The following ARB2A variants were observed in gnomAD, a reference collection of about 807,000 sequenced individuals.
The protein encoded by ARB2A is ARB2 cotranscriptional regulator A.
the ARB2A span, among the ~76,000 whole-genome samples, chr5:94,066,967 C>A: frequency 2.6e-5 from 4 of 152,132 alleles, no homozygotes; most frequent in Non-Finnish European, 5.9e-5. Context: ...CCAGATTCAA[C>A]AGCACATCAA....
At chr5:94,032,399 C>T in the ARB2A span, among the ~76,000 whole-genome samples, 2 of 152,050 alleles carry the variant, frequency 1.3e-5, no homozygotes, top group African/African-American at 4.8e-5. Context: ...GTGCCAAACA[C>T]GTTTAAACAA....
the ARB2A span, among the ~76,000 whole-genome samples, chr5:93,680,674 G>C: frequency 6.6e-6 from 1 of 152,078 alleles, no homozygotes; most frequent in Non-Finnish European, 1.5e-5. Context: ...GTAAGACAAA[G>C]GTTAATCTGA....
the ARB2A span, among the ~76,000 whole-genome samples, chr5:94,077,102 C>T: frequency 6.6e-6 from 1 of 151,968 alleles, no homozygotes; most frequent in African/African-American, 2.4e-5. Flanking sequence ...TGGCTGGGCG[C>T]GGTGGCTCAC....
chr5:94,074,023 T>C, the ARB2A span, among the ~76,000 whole-genome samples: 1 of 152,144 alleles, frequency 6.6e-6, no homozygotes. Context: ...ATTCTTAACC[T>C]ATTTTACTAA....
At chr5:94,027,067 T>C in the ARB2A span, among the ~76,000 whole-genome samples, 1 of 152,208 alleles carries the variant, frequency 6.6e-6, no homozygotes, top group Admixed American at 6.5e-5. Flanking sequence ...CAAAGGACTT[T>C]ATTCACCACA....
At chr5:93,945,180 C>T in the ARB2A span, among the ~76,000 whole-genome samples, 4 of 152,128 alleles carry the variant, frequency 2.6e-5, no homozygotes, top group South Asian at 4.1e-4. Context: ...TGGCGGCTCA[C>T]GCCTATAATC....
chr5:93,654,324 T>C, the ARB2A span, among the ~76,000 whole-genome samples: 15 of 152,294 alleles, frequency 9.8e-5, no homozygotes, highest in African/African-American at 3.4e-4. Flanking sequence ...GTCCTTCTTA[T>C]CTTTATTTTA....
At chr5:94,097,336 A>G in the ARB2A span, among the ~76,000 whole-genome samples, 1 of 152,164 alleles carries the variant, frequency 6.6e-6, no homozygotes, top group Non-Finnish European at 1.5e-5. Flanking sequence ...CCCACAGTTC[A>G]TCAGCTGGCA....
the ARB2A span, among the ~76,000 whole-genome samples, chr5:94,079,499 T>C: frequency 6.6e-6 from 1 of 152,114 alleles, no homozygotes; most frequent in African/African-American, 2.4e-5. Flanking sequence ...CTAACTCAGG[T>C]CTTCTGACTC....
chr5:93,905,688 T>C, the ARB2A span, among the ~76,000 whole-genome samples: 1 of 151,498 alleles, frequency 6.6e-6, no homozygotes, highest in Non-Finnish European at 1.5e-5. Flanking sequence ...AACTCAGTTA[T>C]TATGTTAACA....
chr5:93,707,576 CTTTT>C, the ARB2A span, among the ~76,000 whole-genome samples: 1 of 138,056 alleles, frequency 7.2e-6, no homozygotes, highest in Non-Finnish European at 1.6e-5. Context: ...TTTTTTCTTT[CTTTT>C]TTTTTTTTTT....
the ARB2A span, among the ~76,000 whole-genome samples, chr5:94,064,504 A>G: frequency 6.6e-6 from 1 of 152,222 alleles, no homozygotes; most frequent in Non-Finnish European, 1.5e-5. Flanking sequence ...TAAATCCCCA[A>G]TCAAATACAA....
the ARB2A span, among the ~76,000 whole-genome samples, chr5:93,983,212 T>C: frequency 6.7e-6 from 1 of 150,180 alleles, no homozygotes; most frequent in Non-Finnish European, 1.5e-5. Context: ...TGTGTGTGTG[T>C]GTGTGTGTGT....
the ARB2A span, among the ~76,000 whole-genome samples, chr5:93,796,362 AC>A: frequency 6.6e-6 from 1 of 152,160 alleles, no homozygotes; most frequent in Non-Finnish European, 1.5e-5. Context: ...ATGGTATAGC[AC>A]TAATGTGATT....
the ARB2A span, among the ~76,000 whole-genome samples, chr5:93,806,581 A>C: frequency 6.6e-6 from 1 of 152,050 alleles, no homozygotes; most frequent in East Asian, 1.9e-4. Context: ...ACCTTAAAAC[A>C]GCAAATGACA....
At chr5:93,674,396 G>T in the ARB2A span, among the ~76,000 whole-genome samples, 1 of 152,178 alleles carries the variant, frequency 6.6e-6, no homozygotes, top group Non-Finnish European at 1.5e-5. Context: ...CATGACCTCA[G>T]AGCATTCGTG....
At chr5:93,949,152 C>T in the ARB2A span, among the ~76,000 whole-genome samples, 3 of 152,026 alleles carry the variant, frequency 2.0e-5, no homozygotes, top group African/African-American at 7.2e-5. Context: ...AAATCCTTTT[C>T]TTTTTCTTTT....
At chr5:93,823,126 T>G in the ARB2A span, among the ~76,000 whole-genome samples, 1 of 152,218 alleles carries the variant, frequency 6.6e-6, no homozygotes, top group Non-Finnish European at 1.5e-5. Context: ...TCAACTGCAC[T>G]TTTATCAAAT....
At chr5:94,108,664 G>C in the ARB2A span, among the ~76,000 whole-genome samples, 1 of 152,012 alleles carries the variant, frequency 6.6e-6, no homozygotes, top group Non-Finnish European at 1.5e-5. Context: ...AAACCACAGA[G>C]AGATACTACT....
Sources: gnomAD v4.1 joint callset for allele counts (sites outside exome capture counted in the v4.1 genomes callset) on GRCh38, gnomAD v4.1.1 for gene constraint, MANE v1.5 for transcripts, NCBI Gene and HGNC (gene_info 2026-07-23, HGNC 2026-07-21) for gene names.